The following SCN8A variants were observed in gnomAD, a reference collection of about 807,000 sequenced individuals.
SCN8A encodes sodium channel protein type 8 subunit alpha.
SCN8A carries 30 observed loss-of-function variants against 184.1 expected under a neutral mutation model. The ratio of observed to expected loss-of-function variants is 0.16; its 90% CI spans 0.12 to 0.22. The LOEUF is 0.22. SCN8A is among the 10% of genes least tolerant of loss of function. The pLI, the probability that SCN8A is intolerant of heterozygous loss-of-function variation, is 1.00. For missense variants in SCN8A, 1,057 were observed against 2,498.9 expected, an observed-to-expected ratio of 0.42 and a Z score of 12.30; for synonymous variants, 852 against 907.0, an observed-to-expected ratio of 0.94 and a Z score of 1.09.
intron 1 of SCN8A, among the ~76,000 whole-genome samples, chr12:51,598,779 A>G (rs76533055): frequency 0.011 from 1,651 of 152,326 alleles, 14 homozygotes; most frequent in Non-Finnish European, 0.016. Flanking sequence ...ATACATGCAC[A>G]TATACATATT....
chr12:51,794,605 A>G lies in SCN8A; in HGVS notation c.4759A>G (p.Ile1587Val). 6.2e-7 allele frequency: 1 copy of G among 1,613,998 alleles called. No individual in the cohort carries two copies. Among genetic ancestry groups the G allele is most frequent in the Non-Finnish European group, 8.5e-7 (1 of 1,179,880 alleles). Residue 1587 changes from isoleucine to valine, a missense_variant, in exon 26 of 27, where the codon ATC becomes GTC. This residue lies in a region of SCN8A where 34 missense variants were observed against 64.0 expected (regional missense o/e 0.53). Transcript: ENST00000627620. ...CTACTACTTCACCATTGGCTGGAAC[A>G]TCTTCGACTTCGTGGTAGTCATCCT... Reference protein sequence around the residue: ...RHYYFTIGWNIFDFVVVILSI... With the variant: ...RHYYFTIGWNVFDFVVVILSI...
intron 12 of SCN8A, among the ~76,000 whole-genome samples, chr12:51,742,022 T>C (rs766625873): frequency 7.2e-5 from 11 of 152,124 alleles, no homozygotes; most frequent in Non-Finnish European, 1.3e-4. Context: ...TATTTTAAAC[T>C]GATGACAACT....
rs149320193 is a variant in SCN8A at position 51,738,524 on chromosome 12, G to A, written c.1999-7379G>A. On this transcript the variant is annotated intron_variant, in intron 12 of 26. Transcript: ENST00000627620. ...TGAATAATTATTTCACAGGTAGGAC[G>A]TTTATCAGTAATTTGATTTACCCAA... Among the ~76,000 whole-genome samples, 949 of 152,232 alleles carry A rather than the reference G, an allele frequency of 6.2e-3. 8 individuals are homozygous for A. The highest frequency in any genetic ancestry group is 0.02 in the African/African-American group (815 of 41,542).
intron 8 of SCN8A, among the ~76,000 whole-genome samples, chr12:51,702,193 G>C (rs950124843): frequency 6.6e-6 from 1 of 151,736 alleles, no homozygotes; most frequent in Non-Finnish European, 1.5e-5. Context: ...GTGGTGGCAG[G>C]TGCCTGTAAT....
intron 11 of SCN8A, among the ~76,000 whole-genome samples, chr12:51,717,948 T>C (rs901826737): frequency 6.6e-6 from 1 of 152,220 alleles, no homozygotes; most frequent in African/African-American, 2.4e-5. Flanking sequence ...AGTTCGTGGG[T>C]TGCTTAAAGC....
At position 51,789,125 on chromosome 12, in the gene SCN8A, G is replaced by A. The variant is rs368841387; in HGVS notation, c.4282-156G>A. On this transcript the variant is annotated intron_variant, in intron 23 of 26. Coordinates refer to ENST00000627620, the MANE Select transcript of SCN8A (RefSeq NM_001330260.2). ...CTAGTGTCCTCTCAAGGCAGGCCAT[G>A]CCAGTGTAGAGAAGGAGGCAGGCAG... Among the ~76,000 whole-genome samples the A allele has an allele frequency of 3.3e-5, 5 of 152,264 alleles. No homozygotes were observed. In the East Asian group the frequency reaches 9.7e-4, roughly 29 times the overall value.
intron 1 of SCN8A, among the ~76,000 whole-genome samples, chr12:51,616,666 T>G (rs1166926949): frequency 6.6e-6 from 1 of 152,076 alleles, no homozygotes; most frequent in South Asian, 2.1e-4. Flanking sequence ...CTGCTTGTCA[T>G]CTCCGCACTT....
intron 12 of SCN8A, among the ~76,000 whole-genome samples, chr12:51,737,393 T>C (rs1942344389): frequency 6.6e-6 from 1 of 152,202 alleles, no homozygotes; most frequent in Non-Finnish European, 1.5e-5. Context: ...ATGGACTTGC[T>C]TCTCAATTAG....
At position 51,751,354 on chromosome 12, in the gene SCN8A, G is replaced by A; in HGVS notation, c.2132-1G>A. The A allele has an allele frequency of 6.2e-7, 1 of 1,609,240 alleles. No homozygotes were observed. Among genetic ancestry groups the A allele is most frequent in the Non-Finnish European group, 8.5e-7 (1 of 1,176,400 alleles). ...GCCATCTTTGTTCTTACTTACTGTA[G>A]AACTGGAAGAGTCTCAGAGAAAGTG... On this transcript the variant is annotated splice_acceptor_variant, in intron 13 of 26. Transcript: ENST00000627620. LOFTEE classifies it high-confidence loss of function.
chr12:51,785,417 A>G (rs963100258), intron 21 of SCN8A, among the ~76,000 whole-genome samples: 5 of 152,212 alleles, frequency 3.3e-5, no homozygotes. Flanking sequence ...ACACAAAATG[A>G]ATATTTTAAT....
In SCN8A at chr12:51,800,162, A is replaced by C. The variant is rs563064917; in HGVS notation, c.4795+5521A>C. Among the ~76,000 whole-genome samples the C allele has an allele frequency of 7.9e-5, 12 of 152,382 alleles. No individual in the cohort carries two copies. In the South Asian group the frequency reaches 2.5e-3, roughly 32 times the overall value. Reference sequence around the variant, plus strand: ...TTGCTGGCCTTGCCAGCTGAAGGCAAATTGCTTCTGGTGGACCTTATGGAC... The same window carrying C: ...TTGCTGGCCTTGCCAGCTGAAGGCACATTGCTTCTGGTGGACCTTATGGAC... On this transcript the variant is annotated intron_variant, in intron 26 of 26. Coordinates refer to ENST00000627620, the MANE Select transcript of SCN8A (RefSeq NM_001330260.2).
chr12:51,801,872 T>C lies in SCN8A; in HGVS notation c.4796-4410T>C, dbSNP rs551657261. On this transcript the variant is annotated intron_variant, in intron 26 of 26. Coordinates refer to ENST00000627620, the MANE Select transcript of SCN8A (RefSeq NM_001330260.2). ...GAGTTCAAGACCAGCCTGGCCAATA[T>C]GGTGAAACCCCGTCTCTACTAAAAA... Among the ~76,000 whole-genome samples the C allele has an allele frequency of 1.7e-3, 266 of 152,196 alleles. 1 individual carries two copies. The highest frequency in any genetic ancestry group is 6.1e-3 in the African/African-American group (255 of 41,536).
At chr12:51,750,451 A>G (rs1942578743) in intron 13 of SCN8A, among the ~76,000 whole-genome samples, 1 of 152,236 alleles carries the variant, frequency 6.6e-6, no homozygotes, top group Non-Finnish European at 1.5e-5. Flanking sequence ...GGGGCAAGAA[A>G]GAAGGAGACA....
chr12:51,669,186 C>G (rs1592368025), intron 2 of SCN8A, among the ~76,000 whole-genome samples: 1 of 152,198 alleles, frequency 6.6e-6, no homozygotes, highest in South Asian at 2.1e-4. Flanking sequence ...TCATAATCAT[C>G]TTATGGAACT....
intron 1 of SCN8A, among the ~76,000 whole-genome samples, chr12:51,608,943 G>C (rs141467832): frequency 6.6e-6 from 1 of 152,072 alleles, no homozygotes; most frequent in African/African-American, 2.4e-5. Flanking sequence ...CATTACTGTC[G>C]TTCAGTTTGA....
At chr12:51,669,065 A>G (rs1042212572) in intron 2 of SCN8A, among the ~76,000 whole-genome samples, 2 of 152,190 alleles carry the variant, frequency 1.3e-5, no homozygotes, top group Non-Finnish European at 2.9e-5. Context: ...TTGTAACACC[A>G]TGGTATTTCT....
chr12:51,666,826 T>G (rs775403674), intron 2 of SCN8A, among the ~76,000 whole-genome samples: 8 of 152,192 alleles, frequency 5.3e-5, no homozygotes, highest in Non-Finnish European at 8.8e-5. Context: ...GTTTTCGAGA[T>G]ACTGTTATTT....
In SCN8A at chr12:51,745,937, C is replaced by T; in HGVS notation, c.2033C>T (p.Pro678Leu). Residue 678 changes from proline (P) to leucine (L), a missense_variant, in exon 13 of 27, where the codon CCT becomes CTT. Around this residue, in one of 19 missense-constraint regions of SCN8A, gnomAD observed 322 missense variants for 390.1 expected, o/e 0.83. Coordinates refer to ENST00000627620, the MANE Select transcript of SCN8A (RefSeq NM_001330260.2). ...GAGGTGGAAATTAAGAAGAAAGGCC[C>T]TGGATCTCTTTTAGTTTCCATGGAC... The part of the protein sequence containing the change: ...TTEVEIKKKG[P>L]GSLLVSMDQL... 6.2e-7 allele frequency: 1 copy of T among 1,603,974 alleles called. No homozygotes were observed. The highest frequency in any genetic ancestry group is 1.1e-5 in the South Asian group (1 of 88,550).
At position 51,706,452 on chromosome 12, in the gene SCN8A, G is replaced by A. The variant is rs1325778887; in HGVS notation, c.1372G>A (p.Val458Ile). ...TGCGATGGCCACTTCAGCAGGAACT[G>A]TCTCAGAAGATGCCATAGAGGAAGA... is the stretch of plus-strand genomic sequence containing the variant. Reference protein sequence around the residue: ...AAAMATSAGTVSEDAIEEEGE... With the variant: ...AAAMATSAGTISEDAIEEEGE... The change falls in exon 11 of 27, where the codon GTC becomes ATC. Residue 458 changes from valine to isoleucine, a missense_variant. Around this residue, in one of 19 missense-constraint regions of SCN8A, gnomAD observed 322 missense variants for 390.1 expected, o/e 0.83. Coordinates refer to ENST00000627620, the MANE Select transcript of SCN8A (RefSeq NM_001330260.2). 3 of 1,601,532 alleles carry A rather than the reference G, an allele frequency of 1.9e-6. No individual in the cohort carries two copies. The highest frequency in any genetic ancestry group is 2.6e-6 in the Non-Finnish European group (3 of 1,174,552).
Sources: allele counts gnomAD v4.1 joint callset (sites outside exome capture counted in the v4.1 genomes callset), GRCh38; gene constraint gnomAD v4.1.1; regional missense constraint gnomAD v4.1.1; transcripts MANE v1.5; gene names NCBI Gene and HGNC (gene_info 2026-07-23, HGNC 2026-07-21).